The following TRHDE variants were observed in gnomAD, a reference collection of about 807,000 sequenced individuals.
TRHDE encodes the protein thyrotropin-releasing hormone-degrading ectoenzyme.
In TRHDE, 72 loss-of-function variants were observed where a neutral mutation model predicts 125.7. That is an observed-to-expected ratio of 0.57 (90% CI 0.47 to 0.70). The LOEUF (loss-of-function observed/expected upper bound fraction) is 0.70. TRHDE is among the 30% of genes least tolerant of loss of function. The pLI is 0.00. For synonymous variants in TRHDE, 509 were observed against 509.1 expected (o/e 1.00, Z 0.00); for missense variants, 1,110 against 1,327.1 (o/e 0.84, Z 2.54).
intron 3 of TRHDE, among the ~76,000 whole-genome samples, chr12:72,417,173 T>C (rs1873765790): frequency 6.6e-6 from 1 of 152,090 alleles, no homozygotes; most frequent in South Asian, 2.1e-4. Flanking sequence ...GATTGTTTGC[T>C]GTTAGCATAT....
intron 2 of TRHDE, among the ~76,000 whole-genome samples, chr12:72,297,383 G>T (rs1392024342): frequency 6.6e-6 from 1 of 152,128 alleles, no homozygotes; most frequent in Non-Finnish European, 1.5e-5. Flanking sequence ...CAGATTTCAG[G>T]GTGAGTTGGT....
At chr12:72,593,784 C>A (rs61926612) in intron 12 of TRHDE, among the ~76,000 whole-genome samples, 1 of 152,082 alleles carries the variant, frequency 6.6e-6, no homozygotes, top group Non-Finnish European at 1.5e-5. Flanking sequence ...TCTGTCCTTG[C>A]GACAGTTTGC....
At chr12:72,201,674 A>G (rs1337109814) in intron 2 of TRHDE, among the ~76,000 whole-genome samples, 1 of 152,156 alleles carries the variant, frequency 6.6e-6, no homozygotes, top group Non-Finnish European at 1.5e-5. Context: ...TGAGTGAAGC[A>G]TGCTGGGAGG....
chr12:72,472,991 A>G, intron 4 of TRHDE, 76 bp from the exon 5 acceptor site: 1 of 1,121,290 alleles, frequency 8.9e-7, no homozygotes. Context: ...TCATAGTTTA[A>G]TACATGTAAT....
chr12:72,361,719 C>CA (rs1342628330), intron 2 of TRHDE, among the ~76,000 whole-genome samples: 1 of 145,044 alleles, frequency 6.9e-6, no homozygotes, highest in Non-Finnish European at 1.5e-5. Context: ...CACCTCCCCC[C>CA]ACCCCACAAC....
chr12:72,265,896 C>CAGCGATATGACCTCAATACT (rs1879057197), intron 2 of TRHDE, among the ~76,000 whole-genome samples: 1 of 151,786 alleles, frequency 6.6e-6, no homozygotes, highest in African/African-American at 2.4e-5. Context: ...AATTTACATA[C>CAGCGATATGACCTCAATACT]AGCGATATGA....
intron 12 of TRHDE, among the ~76,000 whole-genome samples, chr12:72,597,331 G>T (rs1412954744): frequency 6.6e-6 from 1 of 152,026 alleles, no homozygotes; most frequent in Admixed American, 6.6e-5. Context: ...GCAATGTCGT[G>T]ATTCTTTTTA....
intron 6 of TRHDE, among the ~76,000 whole-genome samples, chr12:72,535,740 A>G (rs1261185744): frequency 6.6e-6 from 1 of 152,088 alleles, no homozygotes; most frequent in Non-Finnish European, 1.5e-5. Flanking sequence ...GGAGGATTTA[A>G]GGTATGCTTT....
At chr12:72,512,478 T>C (rs961314908) in intron 6 of TRHDE, among the ~76,000 whole-genome samples, 3 of 139,322 alleles carry the variant, frequency 2.2e-5, no homozygotes, top group Non-Finnish European at 3.1e-5. Context: ...ATAGTTATAA[T>C]TATATAATAA....
At chr12:72,442,893 C>A (rs1875085455) in intron 3 of TRHDE, among the ~76,000 whole-genome samples, 1 of 151,864 alleles carries the variant, frequency 6.6e-6, no homozygotes, top group Non-Finnish European at 1.5e-5. Flanking sequence ...GTCCTGTTAA[C>A]ACTGAACAGC....
intron 6 of TRHDE, among the ~76,000 whole-genome samples, chr12:72,530,226 T>C (rs1463149225): frequency 1.3e-5 from 2 of 152,090 alleles, no homozygotes; most frequent in East Asian, 1.9e-4. Context: ...ATTTCTCTCT[T>C]CTCTTTTTCT....
chr12:72,459,068 T>C (rs953570755), intron 3 of TRHDE, among the ~76,000 whole-genome samples: 32 of 152,284 alleles, frequency 2.1e-4, no homozygotes, highest in Middle Eastern at 3.4e-3. Context: ...TCACTACATT[T>C]TCTGAACTAT....
Position 72,272,651 on chromosome 12 carries a change from T to C in TRHDE, c.8T>C (p.Leu3Pro). The change falls in exon 1 of 19, where the codon CTG becomes CCG. Residue 3 changes from leucine (L) to proline (P), a missense_variant. Leu to Pro is a moderately conservative substitution (Grantham distance 98, BLOSUM62 -3). Around this residue, in one of 5 missense-constraint regions of TRHDE, gnomAD observed 248 missense variants for 240.8 expected, o/e 1.03. Transcript: ENST00000261180. This position sits in a 1 kb window ranked among gnomAD's most constrained non-coding sequence, Gnocchi z 6.7. MA[L>P]DGELGEQEEE... is the part of the protein sequence containing the mutation. ...GGAGGAGGAGGCGGTGTGATGGCCCTGGACGGCGAGCTGGGGGAGCAAGAG... is the reference window on the plus strand; with the variant it reads ...GGAGGAGGAGGCGGTGTGATGGCCCCGGACGGCGAGCTGGGGGAGCAAGAG... 1 of 1,183,160 alleles carries C rather than the reference T, an allele frequency of 8.5e-7. No homozygotes were observed. Among genetic ancestry groups the C allele is most frequent in the African/African-American group, 1.6e-5 (1 of 63,186 alleles). The allele number at this position is 1,183,160 out of a possible 1,614,324, so 73.3% of individuals were successfully genotyped here.
At chr12:72,626,806 G>A (rs1392297386) in intron 15 of TRHDE, among the ~76,000 whole-genome samples, 1 of 151,830 alleles carries the variant, frequency 6.6e-6, no homozygotes, top group African/African-American at 2.4e-5. Context: ...AGGGACAAAA[G>A]GCTCTTTTCA....
At chr12:72,256,725 T>C (rs559157329) in intron 2 of TRHDE, 60 of 152,320 alleles carry the variant, frequency 3.9e-4, no homozygotes, top group African/African-American at 1.3e-3. Flanking sequence ...GTTACCATGT[T>C]GAAAAGAGAT....
intron 2 of TRHDE, among the ~76,000 whole-genome samples, chr12:72,329,141 G>A (rs879603418): frequency 6.6e-6 from 1 of 152,100 alleles, no homozygotes; most frequent in African/African-American, 2.4e-5. Flanking sequence ...GCTCACAGTT[G>A]GCTGGTTAGG....
chr12:72,594,399 G>A (rs1298431494), intron 12 of TRHDE, among the ~76,000 whole-genome samples: 1 of 151,656 alleles, frequency 6.6e-6, no homozygotes, highest in Non-Finnish European at 1.5e-5. Context: ...TGTATTTTTA[G>A]TGGAGACGGG....
intron 2 of TRHDE, among the ~76,000 whole-genome samples, chr12:72,352,112 T>C (rs1013869765): frequency 6.6e-6 from 1 of 151,890 alleles, no homozygotes; most frequent in Non-Finnish European, 1.5e-5. Flanking sequence ...TGCTTAGTCA[T>C]AACAGGGTTG....
chr12:72,383,242 A>T (rs1287778659), intron 3 of TRHDE, among the ~76,000 whole-genome samples: 6 of 152,200 alleles, frequency 3.9e-5, no homozygotes, highest in Admixed American at 3.9e-4. Flanking sequence ...CTTTAAAAGA[A>T]AGTTGTAGAC....
Sources: allele counts gnomAD v4.1 joint callset (sites outside exome capture counted in the v4.1 genomes callset), GRCh38; gene constraint gnomAD v4.1.1; regional missense constraint gnomAD v4.1.1; non-coding constraint Gnocchi (gnomAD v3.1); transcripts MANE v1.5; gene names NCBI Gene and HGNC (gene_info 2026-07-23, HGNC 2026-07-21).